Variants in PLCG2 observed in about 807,000 individuals in gnomAD.
The protein encoded by PLCG2 is phospholipase C gamma 2.
A neutral mutation model predicts 175.6 loss-of-function variants in PLCG2; 69 were observed. The ratio of observed to expected loss-of-function variants is 0.39; its 90% CI spans 0.32 to 0.48. The LOEUF (loss-of-function observed/expected upper bound fraction) is 0.48. Among genes scored for constraint, PLCG2 ranks in the 20% least tolerant of loss-of-function variants. The probability of loss-of-function intolerance (pLI) is 0.91; values close to 1 mark genes in which losing one functional copy is unlikely to be tolerated. For synonymous variants in PLCG2, 827 were observed against 624.0 expected (o/e 1.33, Z -4.85); for missense variants, 1,798 against 1,650.9 (o/e 1.09, Z -1.54).
At chr16:81,925,019 G>A (rs1910206362) in intron 22 of PLCG2, among the ~76,000 whole-genome samples, 2 of 152,252 alleles carry the variant, frequency 1.3e-5, no homozygotes, top group African/African-American at 4.8e-5. Flanking sequence ...CTGGGTGGGT[G>A]ACTAACAACA....
intron 2 of PLCG2, among the ~76,000 whole-genome samples, chr16:81,812,307 C>G (rs918435435): frequency 5.9e-5 from 9 of 152,104 alleles, no homozygotes; most frequent in African/African-American, 2.2e-4. Flanking sequence ...CCTCAGCCTC[C>G]CACAGTGCTG....
intron 2 of PLCG2, among the ~76,000 whole-genome samples, chr16:81,847,000 T>C (rs915862153): frequency 1.3e-5 from 2 of 152,166 alleles, no homozygotes; most frequent in Non-Finnish European, 2.9e-5. Flanking sequence ...AGAATCAGAT[T>C]CCACAGGTTG....
intron 2 of PLCG2, among the ~76,000 whole-genome samples, chr16:81,836,494 A>G (rs1433366759): frequency 6.6e-6 from 1 of 152,144 alleles, no homozygotes; most frequent in Non-Finnish European, 1.5e-5. Flanking sequence ...TAATTCCAGC[A>G]CTTTGGGAGG....
At position 81,860,174 on chromosome 16, in the gene PLCG2, T is replaced by TTA. The variant is rs1555513306; in HGVS notation, c.479+1012_479+1013insAT. ...TTATTATTATTATTATTATTATTAT[T>TTA]TTTTTTTTTTTTTGTAAAGGTGAAG... On this transcript the variant is annotated intron_variant, in intron 5 of 32. Coordinates refer to ENST00000564138, the MANE Select transcript of PLCG2 (RefSeq NM_002661.5). Among the ~76,000 whole-genome samples, 20 of 96,616 alleles carry TTA rather than the reference T, an allele frequency of 2.1e-4. 1 individual carries two copies. Among genetic ancestry groups the TTA allele is most frequent in the Non-Finnish European group, 3.4e-4 (15 of 44,242 alleles). 63.4% of individuals were successfully genotyped at this position (96,616 alleles called of 152,430 possible). A position where few individuals can be genotyped will look rare whatever the true frequency, so the allele number is the denominator to read the frequency against.
At chr16:81,947,908 C>A (rs147289612) in intron 31 of PLCG2, among the ~76,000 whole-genome samples, 1,537 of 152,190 alleles carry the variant, frequency 0.01, 12 homozygotes, top group Non-Finnish European at 0.015. Flanking sequence ...TTTCCATTGC[C>A]TTATGATTTT....
chr16:81,858,526 T>G lies in PLCG2; in HGVS notation c.431+170T>G, dbSNP rs112562122. Among the ~76,000 whole-genome samples, 8 of 152,150 alleles carry G rather than the reference T, an allele frequency of 5.3e-5. 1 individual carries two copies. The highest frequency in any genetic ancestry group is 1.7e-4 in the African/African-American group (7 of 41,500). On this transcript the variant is annotated intron_variant, in intron 4 of 32. Coordinates refer to ENST00000564138, the MANE Select transcript of PLCG2 (RefSeq NM_002661.5). ...CCTAGTAGCGGTGTGGGCTCTACAG[T>G]TTTTCAAATAAGAGCATTTCCCTGT...
chr16:81,920,696 TG>T (rs1482557308), intron 20 of PLCG2, among the ~76,000 whole-genome samples: 1 of 151,828 alleles, frequency 6.6e-6, no homozygotes, highest in Admixed American at 6.6e-5. Flanking sequence ...AGAGAGGTGG[TG>T]GGGGTGGATC....
chr16:81,927,481 A>G (rs1030365784), intron 23 of PLCG2, among the ~76,000 whole-genome samples: 1 of 152,216 alleles, frequency 6.6e-6, no homozygotes, highest in Non-Finnish European at 1.5e-5. Context: ...TTGCTTAAGC[A>G]ACTTGCAGAT....
intron 2 of PLCG2, among the ~76,000 whole-genome samples, chr16:81,805,410 A>T (rs138619052): frequency 1.3e-5 from 2 of 151,148 alleles, no homozygotes; most frequent in East Asian, 3.9e-4. Flanking sequence ...GAGGCAGGAG[A>T]ATGGCGTTAA....
intron 1 of PLCG2, among the ~76,000 whole-genome samples, chr16:81,753,116 C>G (rs895110612): frequency 1.3e-5 from 2 of 152,180 alleles, no homozygotes; most frequent in South Asian, 2.1e-4. Context: ...CCAGTGGCAG[C>G]TCAGCTCTGC....
chr16:81,775,191 T>C (rs942542831), upstream of PLCG2, among the ~76,000 whole-genome samples: 1 of 152,200 alleles, frequency 6.6e-6, no homozygotes, highest in Non-Finnish European at 1.5e-5. Context: ...ATTCTTATCA[T>C]CCCAAAGAGC....
chr16:81,773,594 G>A (rs1025033268), intron 2 of PLCG2, among the ~76,000 whole-genome samples: 1 of 152,108 alleles, frequency 6.6e-6, no homozygotes, highest in Non-Finnish European at 1.5e-5. Context: ...ATGAGGTTTG[G>A]GGCCTGGCAA....
At chr16:81,841,348 T>G (rs537672438) in intron 2 of PLCG2, among the ~76,000 whole-genome samples, 23 of 152,214 alleles carry the variant, frequency 1.5e-4, no homozygotes, top group Middle Eastern at 3.4e-3. Context: ...GCCGTTCTTC[T>G]CAGCCTCCTG....
upstream of PLCG2, among the ~76,000 whole-genome samples, chr16:81,774,749 T>G (rs1317407312): frequency 1.3e-5 from 2 of 151,740 alleles, no homozygotes; most frequent in Non-Finnish European, 2.9e-5. Context: ...AGGGTGTTTT[T>G]TTTTTTTTGG....
chr16:81,947,782 AT>A (rs1432019492), intron 31 of PLCG2, among the ~76,000 whole-genome samples: 1 of 152,208 alleles, frequency 6.6e-6, no homozygotes, highest in African/African-American at 2.4e-5. Context: ...TATAAAGAGT[AT>A]TTTTAGCACC....
upstream of PLCG2, among the ~76,000 whole-genome samples, chr16:81,777,738 G>A (rs1400594620): frequency 5.9e-5 from 9 of 151,896 alleles, no homozygotes; most frequent in African/African-American, 4.8e-5. Context: ...ATAACAGGCC[G>A]GGTGCAGTGG....
chr16:81,779,937 C>A (rs370847504), intron 1 of PLCG2, among the ~76,000 whole-genome samples: 4 of 152,220 alleles, frequency 2.6e-5, no homozygotes, highest in African/African-American at 9.6e-5. Flanking sequence ...ACTCGCGATG[C>A]CCGCTCCGCA....
At chr16:81,944,939 T>G (rs2143751301) in intron 30 of PLCG2, among the ~76,000 whole-genome samples, 1 of 152,334 alleles carries the variant, frequency 6.6e-6, no homozygotes, top group African/African-American at 2.4e-5. Context: ...TTTTTAGTGT[T>G]GCTGTATGTT....
At chr16:81,902,349 A>G (rs147537701) in intron 14 of PLCG2, among the ~76,000 whole-genome samples, 274 of 152,236 alleles carry the variant, frequency 1.8e-3, no homozygotes, top group Middle Eastern at 0.017. Context: ...CTGATTTCTC[A>G]CGGTTCTGGA....
Sources: gnomAD v4.1 joint callset for allele counts (sites outside exome capture counted in the v4.1 genomes callset) on GRCh38, gnomAD v4.1.1 for gene constraint, MANE v1.5 for transcripts, NCBI Gene and HGNC (gene_info 2026-07-23, HGNC 2026-07-21) for gene names.